The following METTL16 variants were observed in gnomAD, a reference collection of about 807,000 sequenced individuals.
METTL16 encodes the protein RNA N(6)-adenosine-methyltransferase METTL16.
METTL16 carries 19 observed loss-of-function variants against 57.9 expected under a neutral mutation model. That is an observed-to-expected ratio of 0.33 (90% CI 0.23 to 0.48). The LOEUF (loss-of-function observed/expected upper bound fraction) is 0.48, where lower values mean the gene tolerates loss of function less well. Ranked by LOEUF, METTL16 falls within the 20% of genes least tolerant of loss-of-function variation. The pLI, the probability that METTL16 is intolerant of heterozygous loss-of-function variation, is 0.99. For missense variants in METTL16, 434 were observed against 691.5 expected (o/e 0.63, Z 4.18); for synonymous variants, 246 against 255.6 (o/e 0.96, Z 0.36).
At chr17:2,427,006 G>A (rs2066824948) in intron 8 of METTL16, among the ~76,000 whole-genome samples, 2 of 151,632 alleles carry the variant, frequency 1.3e-5, no homozygotes, top group African/African-American at 4.8e-5. Context: ...AGCCGGGCAT[G>A]GAGGCATACA....
intron 1 of METTL16, among the ~76,000 whole-genome samples, chr17:2,505,689 G>A (rs1036032745): frequency 1.3e-5 from 2 of 151,944 alleles, no homozygotes; most frequent in African/African-American, 4.8e-5. Context: ...ACCGCACCTG[G>A]TTTACAGTAG....
chr17:2,471,658 G>A (rs1371528596), intron 4 of METTL16, among the ~76,000 whole-genome samples: 5 of 151,924 alleles, frequency 3.3e-5, no homozygotes, highest in East Asian at 1.9e-4. Context: ...GCACGGTGGC[G>A]GGCGCCTGTA....
At chr17:2,459,205 C>T (rs538619824) in intron 6 of METTL16, among the ~76,000 whole-genome samples, 5 of 152,300 alleles carry the variant, frequency 3.3e-5, no homozygotes, top group South Asian at 2.1e-4. Flanking sequence ...TCCTCATCAA[C>T]GACAGAAAGG....
rs185663666 is a variant in METTL16 at position 2,477,897 on chromosome 17, A to G, written c.129-12T>C. The G allele has an allele frequency of 5.6e-6, 9 of 1,608,304 alleles. No individual in the cohort carries two copies. Among genetic ancestry groups the G allele is most frequent in the Non-Finnish European group, 7.7e-6 (9 of 1,175,512 alleles). On this transcript the variant is annotated splice_polypyrimidine_tract_variant and intron_variant, in intron 2 of 9. Coordinates refer to ENST00000263092, the MANE Select transcript of METTL16 (RefSeq NM_024086.4). ...CTTTAAAATTAAGGCTGAGGAATAAAGAAAAGGAAGTAAAACTGATTAGTA... is the reference window on the plus strand; with the variant it reads ...CTTTAAAATTAAGGCTGAGGAATAAGGAAAAGGAAGTAAAACTGATTAGTA...
chr17:2,477,890 G>A lies in METTL16; in HGVS notation c.129-5C>T. Reference sequence around the variant, plus strand: ...TCGGGGTCTTTAAAATTAAGGCTGAGGAATAAAGAAAAGGAAGTAAAACTG... The same window carrying A: ...TCGGGGTCTTTAAAATTAAGGCTGAAGAATAAAGAAAAGGAAGTAAAACTG... On this transcript the variant is annotated splice_polypyrimidine_tract_variant and splice_region_variant and intron_variant, in intron 2 of 9. Transcript: ENST00000263092. The A allele has an allele frequency of 6.2e-7, 1 of 1,611,356 alleles. No homozygotes were observed. Among genetic ancestry groups the A allele is most frequent in the Non-Finnish European group, 8.5e-7 (1 of 1,178,372 alleles).
Position 2,419,354 on chromosome 17 carries a change from G to A in METTL16, c.*616C>T, listed in dbSNP as rs956885394. 2.3e-5 allele frequency: 6 copies of A among 256,956 alleles called. No homozygotes were observed. Among genetic ancestry groups the A allele is most frequent in the Non-Finnish European group, 3.9e-5 (5 of 127,432 alleles). The allele number at this position is 256,956 out of a possible 1,614,324, so 15.9% of individuals were successfully genotyped here. ...TTACCTAATTCTGCTTCTGAAATAA[G>A]CAACATCAAAACAGCCAGGTGTCAG... On this transcript the variant is annotated 3_prime_UTR_variant, in exon 10 of 10. Transcript: ENST00000263092.
intron 2 of METTL16, among the ~76,000 whole-genome samples, chr17:2,480,185 CAA>C (rs953770502): frequency 0.014 from 857 of 61,854 alleles, 7 homozygotes; most frequent in African/African-American, 0.039. Context: ...GACTCTGTCT[CAA>C]AAAAAAAAAA....
intron 2 of METTL16, among the ~76,000 whole-genome samples, chr17:2,499,078 C>T (rs983105581): frequency 2.0e-5 from 3 of 151,554 alleles, no homozygotes; most frequent in African/African-American, 4.9e-5. Context: ...AGTCAGGGTA[C>T]GGTCTCCTTT....
At chr17:2,494,176 G>A (rs902770364) in intron 2 of METTL16, among the ~76,000 whole-genome samples, 15 of 151,826 alleles carry the variant, frequency 9.9e-5, no homozygotes, top group African/African-American at 3.6e-4. Flanking sequence ...CTCCCGAGTC[G>A]CTGGGAGGTT....
At chr17:2,474,114 G>A (rs1221314397) in intron 3 of METTL16, among the ~76,000 whole-genome samples, 1 of 152,058 alleles carries the variant, frequency 6.6e-6, no homozygotes, top group Non-Finnish European at 1.5e-5. Flanking sequence ...ACAAGCAGAG[G>A]TCGAGGAATA....
chr17:2,446,610 C>G (rs1443805383), intron 6 of METTL16, among the ~76,000 whole-genome samples: 2 of 151,242 alleles, frequency 1.3e-5, no homozygotes, highest in Admixed American at 6.6e-5. Context: ...CTCCCTCTCC[C>G]TCTCCCTCTC....
chr17:2,473,499 G>T (rs774661066), intron 4 of METTL16, 25 bp downstream of exon 4: 1 of 1,593,120 alleles, frequency 6.3e-7, no homozygotes, highest in Non-Finnish European at 8.5e-7. Context: ...ACAAAGTTTG[G>T]AGGCATTCAT....
intron 1 of METTL16, among the ~76,000 whole-genome samples, chr17:2,509,702 G>A (rs907845923): frequency 2.0e-5 from 3 of 152,098 alleles, no homozygotes; most frequent in Admixed American, 6.6e-5. Context: ...GACCAGCCTG[G>A]CCAACATGGA....
rs1301478574 is a variant in METTL16 at position 2,416,359 on chromosome 17, GC to G, written c.*3610del. 6 of 152,186 alleles carry G rather than the reference GC, an allele frequency of 3.9e-5. No homozygotes were observed. The South Asian group carries it at 8.3e-4, about 21-fold the overall frequency. The allele number at this position is 152,186 out of a possible 1,614,324, so 9.4% of individuals were successfully genotyped here. A position where few individuals can be genotyped will look rare whatever the true frequency, so the allele number is the denominator to read the frequency against. ...GGCTTTTCCATCTTTTCCACTCCTT[GC>G]AGTTTTGTTATTCCTGTCACAACTT... On this transcript the variant is annotated 3_prime_UTR_variant, in exon 10 of 10. Coordinates refer to ENST00000263092, the MANE Select transcript of METTL16 (RefSeq NM_024086.4).
intron 8 of METTL16, among the ~76,000 whole-genome samples, chr17:2,428,590 T>TTAAAAA (rs2066842664): frequency 2.4e-5 from 1 of 42,250 alleles, no homozygotes; most frequent in Admixed American, 3.7e-4. Flanking sequence ...TATATATATA[T>TTAAAAA]ATATATATAT....
At chr17:2,499,649 T>C (rs1481831821) in intron 2 of METTL16, among the ~76,000 whole-genome samples, 2 of 152,196 alleles carry the variant, frequency 1.3e-5, no homozygotes, top group Admixed American at 6.5e-5. Flanking sequence ...ATACCTGAAG[T>C]CCTATTTAAA....
At chr17:2,497,577 G>C (rs1396022981) in intron 2 of METTL16, among the ~76,000 whole-genome samples, 1 of 151,422 alleles carries the variant, frequency 6.6e-6, no homozygotes, top group Non-Finnish European at 1.5e-5. Flanking sequence ...AAAGTGCTGG[G>C]AATATAGGCA....
At chr17:2,505,921 G>A (rs927224800) in intron 1 of METTL16, among the ~76,000 whole-genome samples, 1 of 151,828 alleles carries the variant, frequency 6.6e-6, no homozygotes, top group African/African-American at 2.4e-5. Context: ...TAAGTCACAT[G>A]CCCTTGCTCT....
In METTL16 at chr17:2,502,257, G is replaced by A; in HGVS notation, c.75C>T (p.Ser25=). 4 of 1,613,572 alleles carry A rather than the reference G, an allele frequency of 2.5e-6. No homozygotes were observed. The highest frequency in any genetic ancestry group is 3.4e-6 in the Non-Finnish European group (4 of 1,179,662). The change falls in exon 2 of 10, where the codon TCC becomes TCT. Residue 25 remains serine (S), a synonymous_variant. Transcript: ENST00000263092. ...DKPPDFAYLA[S]KYPDFKQHVQ... The stretch of plus-strand genomic sequence containing the variant: ...CATGCTGCTTAAAATCTGGATATTT[G>A]GATGCCAGATATGCAAAGTCAGGAG...
Sources: allele counts gnomAD v4.1 joint callset (sites outside exome capture counted in the v4.1 genomes callset), GRCh38; gene constraint gnomAD v4.1.1; transcripts MANE v1.5; gene names NCBI Gene and HGNC (gene_info 2026-07-23, HGNC 2026-07-21).